The following CNTNAP2 variants were observed in gnomAD, a reference collection of about 807,000 sequenced individuals.
The protein encoded by CNTNAP2 is contactin-associated protein-like 2.
A neutral mutation model predicts 155.2 loss-of-function variants in CNTNAP2; 98 were observed. The ratio of observed to expected loss-of-function variants is 0.63; its 90% CI spans 0.54 to 0.75. The LOEUF is 0.75. CNTNAP2 is among the 30% of genes least tolerant of loss of function. The probability of loss-of-function intolerance (pLI) is 0.00; values close to 1 mark genes in which losing one functional copy is unlikely to be tolerated. For synonymous variants in CNTNAP2, 651 were observed against 631.2 expected (o/e 1.03, Z -0.47); for missense variants, 1,727 against 1,688.1 (o/e 1.02, Z -0.40).
At chr7:147,685,147 C>T (rs1178774195) in intron 13 of CNTNAP2, among the ~76,000 whole-genome samples, 2 of 151,968 alleles carry the variant, frequency 1.3e-5, no homozygotes, top group African/African-American at 4.8e-5. Context: ...AAATTTTCCC[C>T]TGGGTCTATT....
At chr7:146,215,332 A>G (rs1256995237) in intron 1 of CNTNAP2, among the ~76,000 whole-genome samples, 3 of 152,196 alleles carry the variant, frequency 2.0e-5, no homozygotes, top group African/African-American at 7.2e-5. Flanking sequence ...ACTAAAGGTA[A>G]ACATCATTTC....
rs527944268 is a variant in CNTNAP2 at position 146,342,334 on chromosome 7, A to T, written c.97+225361A>T. 2.4e-4 allele frequency among the ~76,000 whole-genome samples: 36 copies of T among 152,268 alleles called. No individual in the cohort carries two copies. In the South Asian group the frequency reaches 7.3e-3, roughly 31 times the overall value. ...AGTTGACTGCTCGTACATAATTGCA[A>T]AGTCAGATGTCAGATGCCAACATCA... On this transcript the variant is annotated intron_variant, in intron 1 of 23. Coordinates refer to ENST00000361727, the MANE Select transcript of CNTNAP2 (RefSeq NM_014141.6).
At chr7:147,655,413 G>A (rs764127946) in intron 13 of CNTNAP2, among the ~76,000 whole-genome samples, 6 of 152,112 alleles carry the variant, frequency 3.9e-5, no homozygotes, top group Non-Finnish European at 7.3e-5. Context: ...GTGAGCCACC[G>A]CGCCCAGCCT....
chr7:147,355,324 C>T (rs1796043888), intron 9 of CNTNAP2, among the ~76,000 whole-genome samples: 1 of 151,920 alleles, frequency 6.6e-6, no homozygotes, highest in South Asian at 2.1e-4. Flanking sequence ...CACTAAGTGC[C>T]CACAGGAGAA....
chr7:148,096,883 T>C (rs535380573), intron 15 of CNTNAP2, among the ~76,000 whole-genome samples: 7 of 152,274 alleles, frequency 4.6e-5, no homozygotes, highest in African/African-American at 1.7e-4. Flanking sequence ...AAATAATCAT[T>C]AGCCAACCTG....
At chr7:147,938,450 T>C (rs1202706566) in intron 14 of CNTNAP2, among the ~76,000 whole-genome samples, 1 of 152,118 alleles carries the variant, frequency 6.6e-6, no homozygotes, top group Non-Finnish European at 1.5e-5. Flanking sequence ...GGAAAATAAA[T>C]GATGTTGCAT....
intron 1 of CNTNAP2, among the ~76,000 whole-genome samples, chr7:146,263,211 T>A (rs541606856): frequency 1.3e-5 from 2 of 149,860 alleles, no homozygotes; most frequent in East Asian, 3.9e-4. Flanking sequence ...CCCAGCTAAT[T>A]GAGAGGCTGA....
chr7:146,451,837 TATATATATAC>T (rs1472002693), intron 1 of CNTNAP2, among the ~76,000 whole-genome samples: 2 of 61,514 alleles, frequency 3.3e-5, no homozygotes, highest in African/African-American at 3.7e-4. Flanking sequence ...TATATATACA[TATATATATAC>T]ACGTATTCTA....
intron 16 of CNTNAP2, among the ~76,000 whole-genome samples, chr7:148,120,113 G>C (rs995115533): frequency 6.6e-6 from 1 of 150,388 alleles, no homozygotes; most frequent in Non-Finnish European, 1.5e-5. Context: ...GGTTCTGTAA[G>C]TTTCTATAAA....
intron 12 of CNTNAP2, among the ~76,000 whole-genome samples, chr7:147,621,890 C>T (rs753457549): frequency 5.3e-5 from 8 of 151,842 alleles, no homozygotes; most frequent in Admixed American, 1.3e-4. Flanking sequence ...AAGGAACACA[C>T]TTCACCTATA....
At chr7:146,716,797 A>G (rs2129176297) in intron 1 of CNTNAP2, among the ~76,000 whole-genome samples, 1 of 152,344 alleles carries the variant, frequency 6.6e-6, no homozygotes, top group South Asian at 2.1e-4. Context: ...AGCAGGAAGA[A>G]ATGTTCATTA....
rs545094043 is a variant in CNTNAP2 at position 146,831,259 on chromosome 7, T to G, written c.209-8452T>G. ...TTTTTAAAATTTATGGTTTTTATGG[T>G]TTTTAGTTTTTGACTATCTTTCTTT... is the stretch of plus-strand genomic sequence containing the variant. On this transcript the variant is annotated intron_variant, in intron 2 of 23. Coordinates refer to ENST00000361727, the MANE Select transcript of CNTNAP2 (RefSeq NM_014141.6). 1.1e-4 allele frequency among the ~76,000 whole-genome samples: 16 copies of G among 152,238 alleles called. No individual in the cohort carries two copies. In the East Asian group the frequency reaches 3.1e-3, roughly 29 times the overall value.
chr7:147,223,297 C>A (rs28368174), intron 8 of CNTNAP2, among the ~76,000 whole-genome samples: 1 of 151,966 alleles, frequency 6.6e-6, no homozygotes, highest in African/African-American at 2.4e-5. Context: ...GTGCACAAAT[C>A]TATAGTGAGA....
At chr7:147,699,232 T>C (rs1344764642) in intron 13 of CNTNAP2, among the ~76,000 whole-genome samples, 1 of 125,422 alleles carries the variant, frequency 8.0e-6, no homozygotes, top group Admixed American at 7.7e-5. Context: ...AAAATTCTAT[T>C]AAAAAAAAAA....
intron 11 of CNTNAP2, among the ~76,000 whole-genome samples, chr7:147,544,121 A>G (rs1799686921): frequency 1.3e-5 from 2 of 152,206 alleles, no homozygotes; most frequent in Non-Finnish European, 2.9e-5. Flanking sequence ...GAGGTAACCT[A>G]TTACCAAAGC....
At chr7:146,395,069 TC>T (rs1474064385) in intron 1 of CNTNAP2, among the ~76,000 whole-genome samples, 1 of 152,188 alleles carries the variant, frequency 6.6e-6, no homozygotes, top group Non-Finnish European at 1.5e-5. Flanking sequence ...AGACATTATT[TC>T]TTTCTTTCTT....
At chr7:146,684,013 T>C (rs1391188665) in intron 1 of CNTNAP2, among the ~76,000 whole-genome samples, 5 of 152,222 alleles carry the variant, frequency 3.3e-5, no homozygotes, top group Non-Finnish European at 7.3e-5. Flanking sequence ...TCAAAAATTC[T>C]TGCTCTCCTT....
Position 146,929,730 on chromosome 7 carries a change from A to G in CNTNAP2, c.402+89826A>G, listed in dbSNP as rs192045451. ...AAAGTATAACTAGAATAACCAATAC[A>G]GAGAAGTGCTTAAAGGAGCTGATGG... is the stretch of plus-strand genomic sequence containing the variant. On this transcript the variant is annotated intron_variant, in intron 3 of 23. Coordinates refer to ENST00000361727, the MANE Select transcript of CNTNAP2 (RefSeq NM_014141.6). 4.6e-3 allele frequency among the ~76,000 whole-genome samples: 697 copies of G among 152,344 alleles called. 4 individuals carry two copies. The highest frequency in any genetic ancestry group is 0.016 in the African/African-American group (667 of 41,588).
chr7:147,511,916 C>T (rs10282028), intron 11 of CNTNAP2, among the ~76,000 whole-genome samples: 96,050 of 151,980 alleles, frequency 0.63, 31,585 homozygotes, highest in South Asian at 0.77. Context: ...CAGGTGCCAA[C>T]GTAAACCTAG....
Sources: gnomAD v4.1 joint callset for allele counts (sites outside exome capture counted in the v4.1 genomes callset) on GRCh38, gnomAD v4.1.1 for gene constraint, MANE v1.5 for transcripts, NCBI Gene and HGNC (gene_info 2026-07-23, HGNC 2026-07-21) for gene names.